The following NME9 variants were observed in gnomAD, a reference collection of about 807,000 sequenced individuals.
NME9 encodes NME/NM23 family member 9, also known as thioredoxin domain-containing protein 6.
A neutral mutation model predicts 44.4 loss-of-function variants in NME9; 48 were observed. The observed-to-expected ratio is 1.08, with a 90% CI of 0.86 to 1.37. The LOEUF (loss-of-function observed/expected upper bound fraction) is 1.37, where lower values mean the gene tolerates loss of function less well. Ranked by LOEUF, NME9 falls within the 40% of genes most tolerant of loss-of-function variation. NME9 has a pLI of 0.00. For missense variants in NME9, 325 were observed against 405.2 expected (o/e 0.80, Z 1.70); for synonymous variants, 139 against 147.1 (o/e 0.94, Z 0.40).
intron 7 of NME9, 124 bp downstream of exon 7, chr3:138,306,274 T>A: frequency 1.1e-6 from 1 of 882,538 alleles, no homozygotes; most frequent in Non-Finnish European, 1.9e-6. Flanking sequence ...GAATGGAACT[T>A]GAGCTACAAC....
chr3:138,324,733 C>G (rs1475847809), intron 2 of NME9, 140 bp downstream of exon 2: 3 of 560,572 alleles, frequency 5.4e-6, no homozygotes, highest in Non-Finnish European at 1.0e-5. Context: ...CACACACACA[C>G]ACACACATCA....
At chr3:138,262,490 G>T in exon 9 of NME9, 1 of 1,580,142 alleles carries the variant, frequency 6.3e-7, no homozygotes, top group South Asian at 1.2e-5. Context: ...AACATCCTGA[G>T]GTTTTCCACT....
intron 8 of NME9, among the ~76,000 whole-genome samples, chr3:138,266,308 A>G (rs2048281138): frequency 6.6e-6 from 1 of 152,128 alleles, no homozygotes; most frequent in Non-Finnish European, 1.5e-5. Flanking sequence ...CTACAGTATC[A>G]GTGCCTTTCT....
intron 9 of NME9, 81 bp from the exon 10 acceptor site, chr3:138,303,724 G>A (rs570466916): frequency 6.1e-6 from 8 of 1,316,674 alleles, no homozygotes; most frequent in South Asian, 2.5e-5. Flanking sequence ...CATGATCACC[G>A]ACTACCAATC....
At chr3:138,307,675 G>A (rs1237040899) in intron 6 of NME9, among the ~76,000 whole-genome samples, 1 of 152,212 alleles carries the variant, frequency 6.6e-6, no homozygotes, top group Non-Finnish European at 1.5e-5. Flanking sequence ...CCTAGAGGTA[G>A]AGGAAGAAGA....
intron 8 of NME9, among the ~76,000 whole-genome samples, chr3:138,281,083 TC>T (rs2049862788): frequency 6.6e-6 from 1 of 152,132 alleles, no homozygotes; most frequent in Non-Finnish European, 1.5e-5. Flanking sequence ...ATGGCTGTCT[TC>T]CAATAAAAAT....
At chr3:138,285,089 T>C (rs1236892625) in intron 8 of NME9, among the ~76,000 whole-genome samples, 1 of 152,216 alleles carries the variant, frequency 6.6e-6, no homozygotes, top group Non-Finnish European at 1.5e-5. Context: ...CTGTCTTCTC[T>C]ATCCCTGCCA....
In NME9 at chr3:138,285,453, A is replaced by G. The variant is rs928650007; in HGVS notation, c.745+18054T>C. Among the ~76,000 whole-genome samples the G allele has an allele frequency of 2.0e-5, 3 of 152,300 alleles. No individual in the cohort carries two copies. The Middle Eastern group carries it at 0.01, about 518-fold the overall frequency. ...TCTTCCTTTGTTCACTACACTGGCC[A>G]CTTGAAGTTTCTCAAAAAGGCCACG... On this transcript the variant is annotated intron_variant, in intron 8 of 8. Transcript: ENST00000317876.
intron 10 of NME9, chr3:138,303,297 T>C (rs1406979008): frequency 2.4e-6 from 1 of 416,290 alleles, no homozygotes; most frequent in Non-Finnish European, 4.3e-6. Context: ...TAATGAGGTA[T>C]TAAAAAGCAA....
chr3:138,322,583 C>G (rs2053542321), intron 2 of NME9, among the ~76,000 whole-genome samples: 1 of 151,636 alleles, frequency 6.6e-6, no homozygotes, highest in Non-Finnish European at 1.5e-5. Flanking sequence ...GAAAATGAGC[C>G]AGCAGAAGGC....
At chr3:138,298,769 A>G (rs2051692057), downstream of NME9, among the ~76,000 whole-genome samples, 1 of 152,178 alleles carries the variant, frequency 6.6e-6, no homozygotes. Context: ...AAGGACACAC[A>G]GGTGCTCTTC....
intron 10 of NME9, among the ~76,000 whole-genome samples, chr3:138,302,599 C>T (rs541364781): frequency 4.5e-4 from 68 of 152,326 alleles, no homozygotes; most frequent in South Asian, 2.1e-3. Context: ...CTCTGTGGCA[C>T]GCTCAGCTTG....
At chr3:138,321,288 C>T (rs1332499527) in intron 2 of NME9, among the ~76,000 whole-genome samples, 2 of 152,340 alleles carry the variant, frequency 1.3e-5, no homozygotes. Context: ...TGGAGGCTAG[C>T]AAGTCCAAGA....
At chr3:138,315,804 C>T (rs1223312766) in intron 4 of NME9, among the ~76,000 whole-genome samples, 161 bp from the exon 5 acceptor site, 1 of 152,120 alleles carries the variant, frequency 6.6e-6, no homozygotes, top group Non-Finnish European at 1.5e-5. Context: ...AGGACACCCT[C>T]AGGTCTGCTC....
intron 8 of NME9, among the ~76,000 whole-genome samples, chr3:138,295,130 C>T (rs1338880423): frequency 1.3e-5 from 2 of 152,060 alleles, no homozygotes; most frequent in African/African-American, 4.8e-5. Flanking sequence ...AATTCCTGAC[C>T]TCAGGTGATC....
chr3:138,321,413 A>G (rs1247993623), intron 2 of NME9, among the ~76,000 whole-genome samples: 1 of 152,210 alleles, frequency 6.6e-6, no homozygotes, highest in Non-Finnish European at 1.5e-5. Flanking sequence ...CCTTCCATCA[A>G]ACCCTTTTAT....
chr3:138,301,303 C>T lies in NME9; in HGVS notation c.*337G>A, dbSNP rs140863718. The T allele has an allele frequency of 7.9e-5, 28 of 352,592 alleles. No individual in the cohort carries two copies. The East Asian group carries it at 3.1e-3, about 39-fold the overall frequency. The allele number at this position is 352,592 out of a possible 1,614,324, so 21.8% of individuals were successfully genotyped here. A position where few individuals can be genotyped will look rare whatever the true frequency, so the allele number is the denominator to read the frequency against. On this transcript the variant is annotated 3_prime_UTR_variant, in exon 11 of 11. Transcript: ENST00000333911. ...TACTGCAACCTTCACCTCCCGGGTT[C>T]AAGCGATTCTCATGCCTAAGCCACC...
chr3:138,308,609 A>C (rs148564988), intron 6 of NME9, among the ~76,000 whole-genome samples: 1 of 152,366 alleles, frequency 6.6e-6, no homozygotes, highest in African/African-American at 2.4e-5. Context: ...TTTTTTAAAA[A>C]GTTCAAATAA....
At chr3:138,276,506 G>A (rs1406846877) in intron 8 of NME9, among the ~76,000 whole-genome samples, 1 of 152,102 alleles carries the variant, frequency 6.6e-6, no homozygotes, top group Non-Finnish European at 1.5e-5. Context: ...TATACAGATT[G>A]GAAAGGACAG....
Sources: gnomAD v4.1 joint callset for allele counts (sites outside exome capture counted in the v4.1 genomes callset) on GRCh38, gnomAD v4.1.1 for gene constraint, MANE v1.5 for transcripts, NCBI Gene and HGNC (gene_info 2026-07-23, HGNC 2026-07-21) for gene names.